CCDC192: variants seen among roughly 807,000 people sequenced by gnomAD.
CCDC192 encodes coiled-coil domain containing 192.
At chr5:127,786,176 C>G in intron 3 of CCDC192, 2 of 943,182 alleles carry the variant, frequency 2.1e-6, no homozygotes, top group Non-Finnish European at 3.5e-6. Context: ...AGGACTTTCT[C>G]ACATTTCCTT....
chr5:127,743,908 G>T (rs949544637), intron 2 of CCDC192, among the ~76,000 whole-genome samples: 1 of 151,806 alleles, frequency 6.6e-6, no homozygotes, highest in African/African-American at 2.4e-5. Flanking sequence ...GGCTTAACAC[G>T]GTGAAACCCC....
intron 6 of CCDC192, among the ~76,000 whole-genome samples, chr5:127,893,190 A>G (rs558445445): frequency 4.1e-4 from 62 of 152,318 alleles, no homozygotes; most frequent in Non-Finnish European, 7.5e-4. Flanking sequence ...ACCCAGCTAC[A>G]CTGGCAGGCA....
At chr5:127,713,068 C>G (rs1221317014) in intron 2 of CCDC192, among the ~76,000 whole-genome samples, 2 of 152,042 alleles carry the variant, frequency 1.3e-5, no homozygotes, top group African/African-American at 4.8e-5. Context: ...AACGCTGTCT[C>G]TACTAAAAAT....
intron 5 of CCDC192, among the ~76,000 whole-genome samples, chr5:127,855,649 T>C (rs1328766631): frequency 1.3e-5 from 2 of 152,218 alleles, no homozygotes; most frequent in Non-Finnish European, 2.9e-5. Flanking sequence ...AGCTATAGTC[T>C]GACAAAATGT....
intron 3 of CCDC192, among the ~76,000 whole-genome samples, chr5:127,772,466 C>CA (rs34089281): frequency 0.058 from 3,899 of 67,622 alleles, 78 homozygotes; most frequent in Non-Finnish European, 0.076. Flanking sequence ...GACTCTGTCA[C>CA]AAAAAAAAAA....
At position 127,910,806 on chromosome 5, in the gene CCDC192, G is replaced by A. The variant is rs1293232777; in HGVS notation, c.536-30376G>A. Among the ~76,000 whole-genome samples, 4 of 152,162 alleles carry A rather than the reference G, an allele frequency of 2.6e-5. No individual in the cohort carries two copies. The East Asian group carries it at 7.7e-4, about 29-fold the overall frequency. ...TGTCCTGCCAAAGTATAACCCATGG[G>A]GAATAGGCCTTTGAGGTTGTTTAAA... is the stretch of plus-strand genomic sequence containing the variant. On this transcript the variant is annotated intron_variant, in intron 6 of 6. Transcript: ENST00000514853.
At chr5:127,718,519 T>A (rs1271156045) in intron 2 of CCDC192, among the ~76,000 whole-genome samples, 2 of 152,200 alleles carry the variant, frequency 1.3e-5, no homozygotes, top group Non-Finnish European at 2.9e-5. Flanking sequence ...CATTTTATTC[T>A]CTATGAGGGT....
Position 127,915,692 on chromosome 5 carries a change from A to G in CCDC192, c.536-25490A>G, listed in dbSNP as rs1753501521. Reference sequence around the variant, plus strand: ...CACTGCGCCCAGCAATACTTCATAAACTTTCTTAAAACATCATGAGATTTC... The same window carrying G: ...CACTGCGCCCAGCAATACTTCATAAGCTTTCTTAAAACATCATGAGATTTC... On this transcript the variant is annotated intron_variant, in intron 6 of 6. Coordinates refer to ENST00000514853, the MANE Select transcript of CCDC192 (RefSeq NM_001317938.2). Among the ~76,000 whole-genome samples the G allele has an allele frequency of 2.0e-5, 3 of 151,536 alleles. No homozygotes were observed. The South Asian group carries it at 6.2e-4, about 31-fold the overall frequency.
At chr5:127,771,512 T>C (rs866487115) in intron 3 of CCDC192, among the ~76,000 whole-genome samples, 11 of 152,312 alleles carry the variant, frequency 7.2e-5, no homozygotes, top group Middle Eastern at 3.4e-3. Flanking sequence ...GAAATGTCTA[T>C]GTCATGTTTA....
chr5:127,848,608 T>C (rs1750665162), intron 5 of CCDC192, among the ~76,000 whole-genome samples: 1 of 152,232 alleles, frequency 6.6e-6, no homozygotes, highest in Admixed American at 6.5e-5. Flanking sequence ...CCACTCACCT[T>C]GGCCTATCTT....
At chr5:127,731,668 A>G (rs1028499555) in intron 2 of CCDC192, among the ~76,000 whole-genome samples, 6 of 152,238 alleles carry the variant, frequency 3.9e-5, no homozygotes, top group African/African-American at 1.4e-4. Flanking sequence ...AAAAACAGAT[A>G]CATAGACCAA....
At chr5:127,730,130 C>T (rs1388541415) in intron 2 of CCDC192, among the ~76,000 whole-genome samples, 1 of 151,720 alleles carries the variant, frequency 6.6e-6, no homozygotes, top group African/African-American at 2.4e-5. Flanking sequence ...AAAAGCTAGA[C>T]TAATAAAGAA....
At chr5:127,810,053 G>A (rs552036213) in intron 5 of CCDC192, among the ~76,000 whole-genome samples, 33 of 152,296 alleles carry the variant, frequency 2.2e-4, no homozygotes, top group Non-Finnish European at 4.6e-4. Context: ...TCCAAAAAAG[G>A]CCAGGAATAA....
At chr5:127,889,340 C>T (rs1027152128) in intron 6 of CCDC192, among the ~76,000 whole-genome samples, 2 of 151,924 alleles carry the variant, frequency 1.3e-5, no homozygotes, top group Non-Finnish European at 2.9e-5. Flanking sequence ...ATACTCTTAT[C>T]CCTTTTAAAT....
chr5:127,807,294 T>C (rs1408732835), intron 5 of CCDC192, among the ~76,000 whole-genome samples: 1 of 152,230 alleles, frequency 6.6e-6, no homozygotes, highest in African/African-American at 2.4e-5. Context: ...ATTTATTTTA[T>C]AGACAATACT....
intron 5 of CCDC192, among the ~76,000 whole-genome samples, chr5:127,846,841 A>C (rs929932317): frequency 3.3e-5 from 5 of 151,284 alleles, no homozygotes; most frequent in South Asian, 4.2e-4. Context: ...AAAAAAAAAA[A>C]AAAACAGGGA....
At chr5:127,919,047 CTG>C (rs112015546) in intron 6 of CCDC192, among the ~76,000 whole-genome samples, 5,995 of 144,072 alleles carry the variant, frequency 0.042, 399 homozygotes, top group East Asian at 0.3. Flanking sequence ...GTGTATATAT[CTG>C]TGTGTGTATG....
chr5:127,841,841 G>A (rs1297417216), intron 5 of CCDC192, among the ~76,000 whole-genome samples: 1 of 152,190 alleles, frequency 6.6e-6, no homozygotes, highest in Non-Finnish European at 1.5e-5. Context: ...TTGGACCAGA[G>A]GGAACAGCTC....
At chr5:127,804,592 C>T (rs1480733559) in intron 5 of CCDC192, among the ~76,000 whole-genome samples, 1 of 152,156 alleles carries the variant, frequency 6.6e-6, no homozygotes, top group Non-Finnish European at 1.5e-5. Context: ...CCAATAAATT[C>T]TCTTTTTCTT....
Sources: gnomAD v4.1 joint callset for allele counts (sites outside exome capture counted in the v4.1 genomes callset) on GRCh38, gnomAD v4.1.1 for gene constraint, MANE v1.5 for transcripts, NCBI Gene and HGNC (gene_info 2026-07-23, HGNC 2026-07-21) for gene names.